Variants in XKR9 observed in about 807,000 individuals in gnomAD.
The protein encoded by XKR9 is XK related 9.
XKR9 carries 32 observed loss-of-function variants against 32.0 expected under a neutral mutation model. The observed-to-expected ratio is 1.00, with a 90% CI of 0.76 to 1.34. The LOEUF is 1.34. Ranked by LOEUF, XKR9 falls within the 40% of genes most tolerant of loss-of-function variation. The pLI, the probability that XKR9 is intolerant of heterozygous loss-of-function variation, is 0.00. For synonymous variants in XKR9, 168 were observed against 143.4 expected (o/e 1.17, Z -1.22); for missense variants, 546 against 429.7 (o/e 1.27, Z -2.39).
At chr8:70,808,467 T>G in the XKR9 span, among the ~76,000 whole-genome samples, 49 of 152,228 alleles carry the variant, frequency 3.2e-4, 1 homozygote, top group East Asian at 9.1e-3. Flanking sequence ...GTGGGTGCAG[T>G]GCAACGAGCA....
chr8:70,786,195 T>C (rs950060528), intron 2 of XKR9, among the ~76,000 whole-genome samples: 4 of 152,198 alleles, frequency 2.6e-5, no homozygotes, highest in African/African-American at 7.2e-5. Context: ...TGCTCTAACA[T>C]GTGATCTATC....
intron 4 of XKR9, among the ~76,000 whole-genome samples, chr8:70,717,522 C>G (rs984503229): frequency 6.6e-5 from 10 of 152,194 alleles, no homozygotes; most frequent in South Asian, 2.1e-4. Flanking sequence ...ATGGCCTAAG[C>G]TTTACATTGG....
chr8:70,997,055 T>G, the XKR9 span, among the ~76,000 whole-genome samples: 3 of 152,208 alleles, frequency 2.0e-5, no homozygotes, highest in African/African-American at 7.2e-5. Context: ...CCTACCACTT[T>G]GGGAGGCTGA....
chr8:70,829,850 C>A, the XKR9 span, among the ~76,000 whole-genome samples: 1 of 152,146 alleles, frequency 6.6e-6, no homozygotes, highest in Non-Finnish European at 1.5e-5. Flanking sequence ...CATTTTGAAT[C>A]TTTTCTAAGT....
chr8:70,941,049 C>T, the XKR9 span, among the ~76,000 whole-genome samples: 2 of 152,068 alleles, frequency 1.3e-5, no homozygotes, highest in Non-Finnish European at 2.9e-5. Context: ...AGTACATTCA[C>T]AATGCTGTGC....
chr8:70,942,622 G>A, the XKR9 span, among the ~76,000 whole-genome samples: 1 of 152,096 alleles, frequency 6.6e-6, no homozygotes, highest in South Asian at 2.1e-4. Flanking sequence ...GGACATACAT[G>A]GTCTTGGAGT....
chr8:70,983,080 G>A, the XKR9 span, among the ~76,000 whole-genome samples: 1 of 152,084 alleles, frequency 6.6e-6, no homozygotes, highest in African/African-American at 2.4e-5. Flanking sequence ...CTTTGAGTCA[G>A]ATAGCAAAGT....
chr8:70,823,366 A>C, the XKR9 span, among the ~76,000 whole-genome samples: 1 of 152,208 alleles, frequency 6.6e-6, no homozygotes, highest in Non-Finnish European at 1.5e-5. Context: ...ACACCACCAC[A>C]GCTCTTAAGT....
At chr8:70,872,817 C>T in the XKR9 span, among the ~76,000 whole-genome samples, 48,285 of 151,978 alleles carry the variant, frequency 0.32, 9,008 homozygotes, top group Non-Finnish European at 0.43. Flanking sequence ...TGTGCCACCA[C>T]GCCCAGCTAA....
At chr8:70,755,026 C>T (rs1807199097) in intron 2 of XKR9, among the ~76,000 whole-genome samples, 1 of 151,808 alleles carries the variant, frequency 6.6e-6, no homozygotes, top group Non-Finnish European at 1.5e-5. Context: ...TGACAAAGGG[C>T]TAATATCCAG....
At chr8:70,756,577 C>T (rs1053534026) in intron 2 of XKR9, among the ~76,000 whole-genome samples, 2 of 151,974 alleles carry the variant, frequency 1.3e-5, no homozygotes, top group African/African-American at 4.8e-5. Flanking sequence ...AAGTTTTGTA[C>T]TTCTGTTAAA....
intron 4 of XKR9, among the ~76,000 whole-genome samples, chr8:70,712,747 T>G (rs149427593): frequency 9.2e-5 from 14 of 152,120 alleles, no homozygotes; most frequent in Non-Finnish European, 1.8e-4. Context: ...AAACAAAAAC[T>G]CTAACAAAAG....
At chr8:70,866,569 A>G in the XKR9 span, among the ~76,000 whole-genome samples, 1 of 151,744 alleles carries the variant, frequency 6.6e-6, no homozygotes, top group Admixed American at 6.6e-5. Context: ...TGGTAGGAGT[A>G]TTTCTTGTTC....
At chr8:70,903,450 G>A in the XKR9 span, among the ~76,000 whole-genome samples, 1 of 152,062 alleles carries the variant, frequency 6.6e-6, no homozygotes, top group Admixed American at 6.5e-5. Context: ...ATTCTCTGAT[G>A]GTAGTTTGTA....
At chr8:70,674,341 T>C (rs1462538291) in intron 1 of XKR9, among the ~76,000 whole-genome samples, 8 of 152,220 alleles carry the variant, frequency 5.3e-5, no homozygotes, top group Non-Finnish European at 2.9e-5. Context: ...ATGGCAGTTA[T>C]TCTAGACAGC....
At chr8:70,938,675 G>T in the XKR9 span, among the ~76,000 whole-genome samples, 5 of 151,958 alleles carry the variant, frequency 3.3e-5, no homozygotes, top group Non-Finnish European at 7.4e-5. Flanking sequence ...CAGGTTCCTG[G>T]GATATGACTA....
the XKR9 span, among the ~76,000 whole-genome samples, chr8:70,798,505 C>T: frequency 1.2e-3 from 177 of 152,120 alleles, 1 homozygote; most frequent in Middle Eastern, 6.8e-3. Flanking sequence ...GTAGGTTGTC[C>T]GTTTACTGTG....
At chr8:70,936,071 A>G in the XKR9 span, among the ~76,000 whole-genome samples, 6 of 152,124 alleles carry the variant, frequency 3.9e-5, no homozygotes, top group Admixed American at 3.9e-4. Context: ...GATGCTCTTT[A>G]CTCAATCAAA....
the XKR9 span, among the ~76,000 whole-genome samples, chr8:70,981,772 T>C: frequency 2.0e-5 from 3 of 152,312 alleles, no homozygotes; most frequent in South Asian, 6.2e-4. Flanking sequence ...GTGTAGACTA[T>C]GCCAGAGGGA....
Sources: gnomAD v4.1 joint callset for allele counts (sites outside exome capture counted in the v4.1 genomes callset) on GRCh38, gnomAD v4.1.1 for gene constraint, MANE v1.5 for transcripts, NCBI Gene and HGNC (gene_info 2026-07-23, HGNC 2026-07-21) for gene names.